GPC1: variants seen among roughly 807,000 people sequenced by gnomAD.
GPC1 encodes the protein glypican-1.
In GPC1, 26 loss-of-function variants were observed where a neutral mutation model predicts 51.5. The ratio of observed to expected loss-of-function variants is 0.50; its 90% confidence interval spans 0.37 to 0.70. GPC1 has a LOEUF of 0.70. GPC1 is among the 30% of genes least tolerant of loss of function. The pLI, the probability that GPC1 is intolerant of heterozygous loss-of-function variation, is 0.00. For synonymous variants in GPC1, 380 were observed against 348.3 expected (o/e 1.09, Z -1.01); for missense variants, 775 against 800.5 (o/e 0.97, Z 0.38).
intron 1 of GPC1, chr2:240,457,455 G>A (rs1482997748): frequency 2.1e-6 from 1 of 470,684 alleles, no homozygotes; most frequent in Admixed American, 2.3e-5. Context: ...TCTGACCCAG[G>A]CATTCAACCT....
In GPC1 at chr2:240,458,883, C is replaced by T. The variant is rs1371065230; in HGVS notation, c.167-147C>T. On this transcript the variant is annotated intron_variant, in intron 1 of 8. Transcript: ENST00000264039. The stretch of plus-strand genomic sequence containing the variant: ...CCCTCCACACCCCGACCACTTCTGC[C>T]TTCACCCAGGGCACCCCCCAGGCTG... The T allele has an allele frequency of 1.7e-5, 11 of 660,650 alleles. No individual in the cohort carries two copies. In the East Asian group the frequency reaches 2.2e-4, roughly 13 times the overall value. The allele number at this position is 660,650 out of a possible 1,614,324, so 40.9% of individuals were successfully genotyped here.
intron 1 of GPC1, chr2:240,451,152 C>T (rs564166374): frequency 2.1e-6 from 1 of 471,326 alleles, no homozygotes; most frequent in South Asian, 1.5e-5. Flanking sequence ...TATGAGCCAT[C>T]CCTCTTGGCG....
intron 1 of GPC1, among the ~76,000 whole-genome samples, chr2:240,453,765 T>C (rs55927876): frequency 0.089 from 13,463 of 151,728 alleles, 750 homozygotes; most frequent in Non-Finnish European, 0.12. Context: ...GTTTGCCGTC[T>C]TCGTCCCTGG....
rs961652283 is a variant in GPC1, at chr2:240,448,813, C to T, written c.167-10217C>T. On this transcript the variant is annotated intron_variant, in intron 1 of 8. Transcript: ENST00000264039. The surrounding 1 kb of genome is among the most constrained non-coding windows in gnomAD (Gnocchi z 4.5). ...AGCTGCCTGAGGCCCAACTAGGTTT[C>T]AGCAGCACCTGGCCAGCAATGGGAT... Among the ~76,000 whole-genome samples, 5 of 152,130 alleles carry T rather than the reference C, an allele frequency of 3.3e-5. No homozygotes were observed. The highest frequency in any genetic ancestry group is 5.9e-5 in the Non-Finnish European group (4 of 68,010).
chr2:240,464,797 G>A (rs1432404740), intron 5 of GPC1, 51 bp downstream of exon 5: 6 of 1,571,570 alleles, frequency 3.8e-6, no homozygotes, highest in South Asian at 2.3e-5. Flanking sequence ...TCCTGGATGT[G>A]GCCCCATTGG....
Position 240,465,624 on chromosome 2 carries a change from A to G in GPC1, c.1420A>G (p.Asn474Asp). 1 of 1,612,924 alleles carries G rather than the reference A, an allele frequency of 6.2e-7. No homozygotes were observed. Among genetic ancestry groups the G allele is most frequent in the Non-Finnish European group, 8.5e-7 (1 of 1,179,976 alleles). Reference protein sequence around the residue: ...TNRLRSAYNGNDVDFQDASDD... With the variant: ...TNRLRSAYNGDDVDFQDASDD... The stretch of plus-strand genomic sequence containing the variant: ...CCGGCTGCGCAGCGCCTACAACGGC[A>G]ACGACGTGGACTTCCAGGACGCCAG... The change falls in exon 8 of 9, where the codon AAC (asparagine) becomes GAC (aspartate). Residue 474 changes from asparagine to aspartate, a missense_variant. Coordinates refer to ENST00000264039, the MANE Select transcript of GPC1 (RefSeq NM_002081.3).
chr2:240,457,278 C>A (rs1434359705), intron 1 of GPC1, among the ~76,000 whole-genome samples: 1 of 152,192 alleles, frequency 6.6e-6, no homozygotes, highest in Admixed American at 6.5e-5. Context: ...CTCTCCCAGG[C>A]CCCTCTGACA....
intron 2 of GPC1, among the ~76,000 whole-genome samples, chr2:240,459,573 G>A (rs1361325497): frequency 6.6e-6 from 1 of 152,206 alleles, no homozygotes; most frequent in Non-Finnish European, 1.5e-5. Context: ...ACTGCCCCTG[G>A]GGACCAGGTG....
At chr2:240,445,126 T>C (rs2074040892) in intron 1 of GPC1, among the ~76,000 whole-genome samples, 1 of 152,184 alleles carries the variant, frequency 6.6e-6, no homozygotes, top group Non-Finnish European at 1.5e-5. Context: ...GGCGGGGGGC[T>C]GTACACAGAA....
intron 1 of GPC1, chr2:240,456,513 C>T (rs1199631392): frequency 2.2e-6 from 1 of 446,192 alleles, no homozygotes; most frequent in South Asian, 1.6e-5. Flanking sequence ...TCAGCTGAGC[C>T]CAGGGTGTGT....
At chr2:240,449,855 C>T (rs1024191653) in intron 1 of GPC1, 1 of 470,560 alleles carries the variant, frequency 2.1e-6, no homozygotes, top group Non-Finnish European at 4.4e-6. Flanking sequence ...CTCAAGGTTC[C>T]TCCACGCCGG....
intron 1 of GPC1, among the ~76,000 whole-genome samples, chr2:240,453,639 T>C (rs865843969): frequency 0.033 from 2,275 of 69,146 alleles, 74 homozygotes; most frequent in African/African-American, 0.11. Context: ...CGCAGCCCCC[T>C]CTCCCCGCCC....
intron 1 of GPC1, among the ~76,000 whole-genome samples, chr2:240,438,411 C>T (rs1450975600): frequency 6.6e-6 from 1 of 152,202 alleles, no homozygotes; most frequent in Non-Finnish European, 1.5e-5. Context: ...GCTTTGTCGG[C>T]TGGGCCTGGG....
intron 1 of GPC1, among the ~76,000 whole-genome samples, chr2:240,437,834 G>A (rs1245471382): frequency 6.6e-6 from 1 of 152,214 alleles, no homozygotes; most frequent in Non-Finnish European, 1.5e-5. Context: ...ATCCTTAGGA[G>A]CCAACCTAAC....
At chr2:240,459,429 G>A (rs1346077406) in intron 2 of GPC1, among the ~76,000 whole-genome samples, 1 of 152,198 alleles carries the variant, frequency 6.6e-6, no homozygotes, top group Admixed American at 6.5e-5. Flanking sequence ...CCCATTCCCA[G>A]TGCACATTTG....
At position 240,463,525 on chromosome 2, in the gene GPC1, C is replaced by A. The variant is rs2074234931; in HGVS notation, c.883+13C>A. The A allele has an allele frequency of 6.2e-7, 1 of 1,611,434 alleles. No individual in the cohort carries two copies. On this transcript the variant is annotated intron_variant, in intron 4 of 8. Transcript: ENST00000264039. ...AGGAACCTCCTGGGTGAGCCCCCACCCGCGAGAGCGGCCTGGAACTGTCTT... is the reference window on the plus strand; with the variant it reads ...AGGAACCTCCTGGGTGAGCCCCCACACGCGAGAGCGGCCTGGAACTGTCTT...
At chr2:240,462,675 C>T (rs1192007023) in intron 3 of GPC1, 93 bp downstream of exon 3, 4 of 1,228,374 alleles carry the variant, frequency 3.3e-6, no homozygotes, top group Middle Eastern at 2.9e-4. Flanking sequence ...AACCCTGTGC[C>T]CCTGGGCCTC....
At chr2:240,437,407 G>A (rs1164355822) in intron 1 of GPC1, among the ~76,000 whole-genome samples, 1 of 151,914 alleles carries the variant, frequency 6.6e-6, no homozygotes, top group Non-Finnish European at 1.5e-5. Context: ...CCCACAGAAG[G>A]AACAGAACCC....
intron 1 of GPC1, among the ~76,000 whole-genome samples, chr2:240,440,158 G>A (rs1289594432): frequency 1.3e-5 from 2 of 152,148 alleles, no homozygotes; most frequent in African/African-American, 4.8e-5. Context: ...CCCTCTCCCC[G>A]GACACCCTCT....
Sources: gnomAD v4.1 joint callset for allele counts (sites outside exome capture counted in the v4.1 genomes callset) on GRCh38, gnomAD v4.1.1 for gene constraint, Gnocchi (gnomAD v3.1) non-coding constraint, MANE v1.5 for transcripts, NCBI Gene and HGNC (gene_info 2026-07-23, HGNC 2026-07-21) for gene names.